CADM2: variants seen among roughly 807,000 people sequenced by gnomAD.
CADM2 encodes immunoglobulin superfamily member 4D.
Under a neutral mutation model 49.8 loss-of-function variants are expected in CADM2, and 12 were observed. The observed-to-expected ratio is 0.24, with a 90% CI of 0.15 to 0.39. The LOEUF (loss-of-function observed/expected upper bound fraction) is 0.39, where lower values mean the gene tolerates loss of function less well. Among genes scored for constraint, CADM2 ranks in the 10% least tolerant of loss-of-function variants. CADM2 has a pLI of 1.00. For missense variants in CADM2, 378 were observed against 492.3 expected (o/e 0.77, Z 2.20); for synonymous variants, 214 against 175.4 (o/e 1.22, Z -1.74).
At chr3:85,617,319 C>G (rs2063826939) in intron 1 of CADM2, among the ~76,000 whole-genome samples, 1 of 152,094 alleles carries the variant, frequency 6.6e-6, no homozygotes, top group Non-Finnish European at 1.5e-5. Flanking sequence ...CTCAGGGAAA[C>G]AGTTACTTAT....
chr3:85,882,797 T>C (rs1369177443), intron 3 of CADM2, among the ~76,000 whole-genome samples: 1 of 152,212 alleles, frequency 6.6e-6, no homozygotes, highest in Non-Finnish European at 1.5e-5. Context: ...ACAGGTGCCT[T>C]TCTGCTCAAT....
intron 1 of CADM2, among the ~76,000 whole-genome samples, chr3:85,564,979 A>T (rs143248170): frequency 2.6e-5 from 4 of 152,154 alleles, no homozygotes; most frequent in African/African-American, 9.6e-5. Flanking sequence ...TTAGATATGC[A>T]TAGATCTAAT....
At chr3:85,020,417 A>T (rs2034446224) in intron 1 of CADM2, among the ~76,000 whole-genome samples, 3 of 152,218 alleles carry the variant, frequency 2.0e-5, no homozygotes, top group African/African-American at 7.2e-5. Flanking sequence ...CATCAGCAAC[A>T]AGTCATGAGG....
chr3:85,199,369 A>AGAGAGAGAGAGAGAGAGAGAGAG (rs1559716313), intron 1 of CADM2, among the ~76,000 whole-genome samples: 1 of 91,968 alleles, frequency 1.1e-5, no homozygotes, highest in African/African-American at 3.7e-5. Context: ...GTGTGTGTGT[A>AGAGAGAGAGAGAGAGAGAGAGAG]TGAGAGAGAG....
intron 1 of CADM2, among the ~76,000 whole-genome samples, chr3:85,719,071 C>A (rs1324339106): frequency 1.3e-5 from 2 of 151,804 alleles, no homozygotes; most frequent in African/African-American, 4.8e-5. Flanking sequence ...CGCCACCACG[C>A]CTGGCTAATT....
intron 1 of CADM2, among the ~76,000 whole-genome samples, chr3:85,438,802 G>A (rs2037050861): frequency 6.6e-6 from 1 of 151,922 alleles, no homozygotes; most frequent in African/African-American, 2.4e-5. Context: ...CCTCCCAAGT[G>A]TCTGGGACTA....
chr3:85,893,408 G>A (rs922779176), intron 5 of CADM2, among the ~76,000 whole-genome samples: 2 of 152,108 alleles, frequency 1.3e-5, no homozygotes, highest in African/African-American at 2.4e-5. Flanking sequence ...AGAAAACCTA[G>A]GCAGTACCAT....
At chr3:86,015,278 A>G (rs1016004319) in intron 8 of CADM2, among the ~76,000 whole-genome samples, 1 of 151,986 alleles carries the variant, frequency 6.6e-6, no homozygotes, top group Non-Finnish European at 1.5e-5. Flanking sequence ...CCCTGTTTGA[A>G]CTCTCAGGCT....
At chr3:85,608,736 A>T (rs998053975) in intron 1 of CADM2, among the ~76,000 whole-genome samples, 2 of 152,168 alleles carry the variant, frequency 1.3e-5, no homozygotes, top group Non-Finnish European at 2.9e-5. Flanking sequence ...GCTCTATCTT[A>T]TCACTAAGAT....
chr3:85,977,170 A>T (rs2324973), intron 8 of CADM2, among the ~76,000 whole-genome samples: 104,769 of 150,840 alleles, frequency 0.69, 37,923 homozygotes, highest in African/African-American at 0.91. Context: ...AAAACAAAAC[A>T]AAACTAAACT....
At chr3:85,359,774 T>G (rs1187728875) in intron 1 of CADM2, among the ~76,000 whole-genome samples, 24 of 148,722 alleles carry the variant, frequency 1.6e-4, no homozygotes, top group Non-Finnish European at 1.5e-5. Context: ...ACTTTGTGTC[T>G]GCAGCCTTGT....
chr3:85,881,958 C>G (rs1712856533), intron 3 of CADM2, among the ~76,000 whole-genome samples: 1 of 152,016 alleles, frequency 6.6e-6, no homozygotes, highest in South Asian at 2.1e-4. Flanking sequence ...AAGAAGTGCC[C>G]CTGCTGATCT....
At chr3:85,294,309 A>C (rs1239456043) in intron 1 of CADM2, among the ~76,000 whole-genome samples, 1 of 152,186 alleles carries the variant, frequency 6.6e-6, no homozygotes, top group Non-Finnish European at 1.5e-5. Context: ...CAAATGGACG[A>C]ACATTCTATG....
At chr3:85,626,080 G>T (rs1576963014) in intron 1 of CADM2, among the ~76,000 whole-genome samples, 1 of 151,790 alleles carries the variant, frequency 6.6e-6, no homozygotes, top group South Asian at 2.1e-4. Flanking sequence ...ATTTTTAACA[G>T]GCACTTAGAA....
At chr3:85,545,679 G>A (rs1182392316) in intron 1 of CADM2, among the ~76,000 whole-genome samples, 3 of 152,118 alleles carry the variant, frequency 2.0e-5, no homozygotes, top group South Asian at 2.1e-4. Context: ...AATATGGACC[G>A]AATAGGGCTG....
chr3:85,196,047 G>GA (rs2041336596), intron 1 of CADM2, among the ~76,000 whole-genome samples: 1 of 151,962 alleles, frequency 6.6e-6, no homozygotes, highest in African/African-American at 2.4e-5. Flanking sequence ...TATGCACATG[G>GA]AAAATCTTTA....
At chr3:85,722,552 T>C (rs530000103) in intron 1 of CADM2, among the ~76,000 whole-genome samples, 1 of 152,332 alleles carries the variant, frequency 6.6e-6, no homozygotes. Flanking sequence ...ACCAGTAATG[T>C]CCTTGCTAAC....
chr3:85,946,576 T>C (rs548411686), intron 7 of CADM2, among the ~76,000 whole-genome samples: 269 of 151,854 alleles, frequency 1.8e-3, no homozygotes, highest in African/African-American at 6.1e-3. Flanking sequence ...CAAAACAGCA[T>C]GGTACTGGTA....
chr3:85,355,021 G>C (rs1171058069), intron 1 of CADM2, among the ~76,000 whole-genome samples: 1 of 152,036 alleles, frequency 6.6e-6, no homozygotes, highest in Non-Finnish European at 1.5e-5. Context: ...AGCTTGGGTC[G>C]ACGCTCAAAC....
Sources: gnomAD v4.1 joint callset for allele counts (sites outside exome capture counted in the v4.1 genomes callset) on GRCh38, gnomAD v4.1.1 for gene constraint, MANE v1.5 for transcripts, NCBI Gene and HGNC (gene_info 2026-07-23, HGNC 2026-07-21) for gene names.